The following GULP1 variants were observed in gnomAD, a reference collection of about 807,000 sequenced individuals.
The protein encoded by GULP1 is GULP PTB domain containing engulfment adaptor 1.
A neutral mutation model predicts 40.9 loss-of-function variants in GULP1; 19 were observed. That is an observed-to-expected ratio of 0.46 (90% CI 0.32 to 0.68). The LOEUF (loss-of-function observed/expected upper bound fraction) is 0.68, where lower values mean the gene tolerates loss of function less well. GULP1 is among the 30% of genes least tolerant of loss of function. GULP1 has a pLI of 0.03. For missense variants in GULP1, 312 were observed against 362.2 expected, an observed-to-expected ratio of 0.86 and a Z score of 1.12; for synonymous variants, 119 against 117.6, an observed-to-expected ratio of 1.01 and a Z score of -0.08.
chr2:188,514,040 A>AGTGTGTGTGTGTGTGTGTGTGTGTGT lies in GULP1; in HGVS notation c.91-8698_91-8673dup, dbSNP rs1164481151. Among the ~76,000 whole-genome samples, 62 of 123,074 alleles carry AGTGTGTGTGTGTGTGTGTGTGTGTGT rather than the reference A, an allele frequency of 5.0e-4. 1 individual carries two copies. The highest frequency in any genetic ancestry group is 1.4e-3 in the East Asian group (5 of 3,512). The allele number at this position is 123,074 out of a possible 152,430, so 80.7% of individuals were successfully genotyped here. On this transcript the variant is annotated intron_variant, in intron 4 of 11. Coordinates refer to ENST00000409830, the MANE Select transcript of GULP1 (RefSeq NM_016315.4). ...GATCTGTCTAAATGGTCCCCTTCTG[A>AGTGTGTGTGTGTGTGTGTGTGTGTGT]GTGTGTGTGTGTGTGTGTGTGTGTG...
At chr2:188,312,599 A>G (rs576057549) in intron 1 of GULP1, among the ~76,000 whole-genome samples, 14 of 152,310 alleles carry the variant, frequency 9.2e-5, no homozygotes, top group Admixed American at 2.6e-4. Flanking sequence ...TAGTGCTGCA[A>G]TAAACATATG....
At chr2:188,544,237 G>C (rs1691299740) in intron 7 of GULP1, among the ~76,000 whole-genome samples, 1 of 152,002 alleles carries the variant, frequency 6.6e-6, no homozygotes, top group African/African-American at 2.4e-5. Flanking sequence ...AAAAGGAAAT[G>C]ACAGTCAGTA....
At chr2:188,312,904 G>A (rs4610010) in intron 1 of GULP1, among the ~76,000 whole-genome samples, 73,701 of 151,928 alleles carry the variant, frequency 0.49, 18,476 homozygotes, top group East Asian at 0.72. Context: ...CTTGTTGGCC[G>A]CATGAATGTC....
intron 2 of GULP1, among the ~76,000 whole-genome samples, chr2:188,408,050 A>G (rs1249763889): frequency 3.9e-5 from 6 of 152,162 alleles, no homozygotes; most frequent in African/African-American, 9.7e-5. Context: ...CCCCAAATTC[A>G]TATGTTTACT....
chr2:188,314,840 C>G (rs1233060168), intron 1 of GULP1, among the ~76,000 whole-genome samples: 3 of 152,168 alleles, frequency 2.0e-5, no homozygotes, highest in African/African-American at 7.2e-5. Flanking sequence ...AAACCCCACA[C>G]TATCCCCTAC....
intron 2 of GULP1, among the ~76,000 whole-genome samples, chr2:188,395,248 T>G (rs923828351): frequency 6.6e-6 from 1 of 152,290 alleles, no homozygotes; most frequent in Non-Finnish European, 1.5e-5. Context: ...ACTCAGTATT[T>G]TGGCTATTCA....
At chr2:188,351,278 C>T (rs56182060) in intron 1 of GULP1, among the ~76,000 whole-genome samples, 2,135 of 151,926 alleles carry the variant, frequency 0.014, 23 homozygotes, top group Non-Finnish European at 0.02. Flanking sequence ...AAAAATAAGA[C>T]TTGATGAAAG....
chr2:188,347,613 C>CTTT (rs2043859392), intron 1 of GULP1, among the ~76,000 whole-genome samples: 1 of 100,438 alleles, frequency 1.0e-5, no homozygotes. Flanking sequence ...TATCTCAAAG[C>CTTT]ATTTTTTTTT....
chr2:188,535,060 T>C (rs1159192018), intron 6 of GULP1, among the ~76,000 whole-genome samples: 2 of 151,030 alleles, frequency 1.3e-5, no homozygotes, highest in African/African-American at 4.8e-5. Flanking sequence ...AATATTAAAT[T>C]GGTAATATTT....
chr2:188,587,648 ACTTTTTAATATCATAAAATGGAT>A, intron 10 of GULP1, among the ~76,000 whole-genome samples, 184 bp from the exon 11 acceptor site: 1 of 152,254 alleles, frequency 6.6e-6, no homozygotes, highest in East Asian at 1.9e-4. Context: ...TTATAATAAA[ACTTTTTAATATCATAAAATGGAT>A]CTTTTCTTCC....
At chr2:188,566,767 C>A (rs1157309114) in intron 7 of GULP1, among the ~76,000 whole-genome samples, 1 of 131,420 alleles carries the variant, frequency 7.6e-6, no homozygotes, top group Non-Finnish European at 1.6e-5. Flanking sequence ...TGCACTCCAG[C>A]CTGGGTAGCT....
At chr2:188,390,232 C>G (rs1447686512) in intron 2 of GULP1, among the ~76,000 whole-genome samples, 1 of 152,128 alleles carries the variant, frequency 6.6e-6, no homozygotes, top group Non-Finnish European at 1.5e-5. Flanking sequence ...GATTTACATT[C>G]CCATCAGCAG....
chr2:188,514,919 G>T (rs1254017605), intron 4 of GULP1, among the ~76,000 whole-genome samples: 1 of 151,960 alleles, frequency 6.6e-6, no homozygotes. Context: ...GTATTCCATG[G>T]TATAGATGTA....
At chr2:188,305,024 C>A (rs373328217) in intron 1 of GULP1, among the ~76,000 whole-genome samples, 1 of 152,164 alleles carries the variant, frequency 6.6e-6, no homozygotes, top group East Asian at 1.9e-4. Context: ...CCCAAGACTG[C>A]CCCTCATGCC....
intron 6 of GULP1, among the ~76,000 whole-genome samples, chr2:188,532,535 G>A (rs1687811489): frequency 1.3e-5 from 2 of 152,144 alleles, no homozygotes; most frequent in Admixed American, 6.6e-5. Context: ...GCTAGGTGAA[G>A]AGTATATGGG....
intron 2 of GULP1, among the ~76,000 whole-genome samples, chr2:188,473,320 T>G (rs1156303713): frequency 6.6e-6 from 1 of 152,120 alleles, no homozygotes; most frequent in Non-Finnish European, 1.5e-5. Flanking sequence ...GGCTTTACAG[T>G]CAGCAGGTGG....
At chr2:188,438,485 A>G (rs1453962676) in intron 2 of GULP1, among the ~76,000 whole-genome samples, 9 of 150,938 alleles carry the variant, frequency 6.0e-5, no homozygotes, top group Non-Finnish European at 3.0e-5. Context: ...ATATTAACAT[A>G]ACAATTATTA....
At chr2:188,474,947 A>C (rs2060889035) in intron 2 of GULP1, among the ~76,000 whole-genome samples, 1 of 152,198 alleles carries the variant, frequency 6.6e-6, no homozygotes, top group Admixed American at 6.5e-5. Flanking sequence ...CAATTTACAT[A>C]GAATTGTATT....
intron 1 of GULP1, among the ~76,000 whole-genome samples, chr2:188,305,230 C>T (rs891512687): frequency 2.0e-5 from 3 of 152,268 alleles, no homozygotes; most frequent in South Asian, 2.1e-4. Flanking sequence ...ATGCATAGGG[C>T]GACGTATAGG....
Sources: allele counts gnomAD v4.1 joint callset (sites outside exome capture counted in the v4.1 genomes callset), GRCh38; gene constraint gnomAD v4.1.1; transcripts MANE v1.5; gene names NCBI Gene and HGNC (gene_info 2026-07-23, HGNC 2026-07-21).